SOBP: variants seen among roughly 807,000 people sequenced by gnomAD.
SOBP encodes the protein sine oculis binding protein homolog, also known as sine oculis-binding protein homolog.
In SOBP, 4 loss-of-function variants were observed where a neutral mutation model predicts 53.6. The observed-to-expected ratio is 0.07, with a 90% confidence interval of 0.04 to 0.17. The LOEUF (loss-of-function observed/expected upper bound fraction) is 0.17. Among genes scored for constraint, SOBP ranks in the 10% least tolerant of loss-of-function variants. The probability of loss-of-function intolerance (pLI) is 1.00; values close to 1 mark genes in which losing one functional copy is unlikely to be tolerated. For missense variants in SOBP, 1,088 were observed against 1,204.7 expected (o/e 0.90, Z 1.43); for synonymous variants, 584 against 522.6 (o/e 1.12, Z -1.60).
chr6:107,533,069 A>G (rs1393678116), intron 3 of SOBP, among the ~76,000 whole-genome samples: 3 of 152,020 alleles, frequency 2.0e-5, no homozygotes, highest in Non-Finnish European at 4.4e-5. Context: ...TGTCCCACCC[A>G]GTGCAGATCC....
At chr6:107,566,990 C>G (rs1348833050) in intron 4 of SOBP, among the ~76,000 whole-genome samples, 1 of 152,190 alleles carries the variant, frequency 6.6e-6, no homozygotes, top group Admixed American at 6.5e-5. Context: ...GCAATGATCT[C>G]TCTGCACAAC....
At chr6:107,500,591 G>T (rs1248656762) in intron 1 of SOBP, among the ~76,000 whole-genome samples, 1 of 151,214 alleles carries the variant, frequency 6.6e-6, no homozygotes, top group East Asian at 2.0e-4. Context: ...GCGCGATCTC[G>T]GCTCACTGCA....
intron 3 of SOBP, among the ~76,000 whole-genome samples, chr6:107,508,759 GA>G (rs1239264393): frequency 2.0e-5 from 3 of 152,174 alleles, no homozygotes; most frequent in African/African-American, 7.2e-5. Context: ...TTGTGATACG[GA>G]GGGGTCCACA....
chr6:107,604,458 G>T (rs542641100), intron 5 of SOBP, among the ~76,000 whole-genome samples: 2 of 152,074 alleles, frequency 1.3e-5, no homozygotes, highest in Admixed American at 1.3e-4. Context: ...TTCACTGCTC[G>T]TCCTGTTCTA....
intron 4 of SOBP, among the ~76,000 whole-genome samples, chr6:107,550,314 G>T (rs567262627): frequency 7.2e-5 from 11 of 152,202 alleles, no homozygotes; most frequent in African/African-American, 2.7e-4. Context: ...GCTGGGTGCC[G>T]TGGAAATTAG....
At chr6:107,652,229 C>G (rs1771831513) in intron 6 of SOBP, among the ~76,000 whole-genome samples, 1 of 152,170 alleles carries the variant, frequency 6.6e-6, no homozygotes. Flanking sequence ...ATTCACTATT[C>G]TAGATGCCAT....
intron 4 of SOBP, among the ~76,000 whole-genome samples, chr6:107,577,216 A>G (rs1785250135): frequency 6.6e-6 from 1 of 152,260 alleles, no homozygotes; most frequent in Non-Finnish European, 1.5e-5. Flanking sequence ...AGATCAAGCT[A>G]ACTCACTCAG....
In SOBP at chr6:107,563,414, C is replaced by T. The variant is rs557213731; in HGVS notation, c.574-23666C>T. The stretch of plus-strand genomic sequence containing the variant: ...TTTTTATGATTAGGAAATTTACATA[C>T]TTGAGAAAAATGAGTTGCAACTCTG... On this transcript the variant is annotated intron_variant, in intron 4 of 6. Transcript: ENST00000317357. 3.3e-5 allele frequency among the ~76,000 whole-genome samples: 5 copies of T among 152,138 alleles called. No homozygotes were observed. The East Asian group carries it at 9.7e-4, about 29-fold the overall frequency.
At position 107,635,799 on chromosome 6, in the gene SOBP, T is replaced by A. The variant is rs1771015963; in HGVS notation, c.*3+330T>A. ...CACTTTATTATCATGCTCATCTCCG[T>A]AAATCACCCTATTGGAGAAGAGGAG... On this transcript the variant is annotated intron_variant, in intron 6 of 6. Coordinates refer to ENST00000317357, the MANE Select transcript of SOBP (RefSeq NM_018013.4). This position sits in a 1 kb window ranked among gnomAD's most constrained non-coding sequence, Gnocchi z 4.5. 6.6e-6 allele frequency among the ~76,000 whole-genome samples: 1 copy of A among 152,154 alleles called. No individual in the cohort carries two copies. Among genetic ancestry groups the A allele is most frequent in the Non-Finnish European group, 1.5e-5 (1 of 68,024 alleles).
Position 107,635,235 on chromosome 6 carries a change from G to T in SOBP, c.2391G>T (p.Ala797=), listed in dbSNP as rs925324994. The stretch of plus-strand genomic sequence containing the variant: ...AGCTGATGGGCGAGGAGGCCCTGGC[G>T]GGGGGCGACAAGTCAGACCCGAACC... ...AKKLMGEEAL[A]GGDKSDPNLN... The change falls in exon 6 of 7, where the codon GCG becomes GCT. Residue 797 remains alanine (A), a synonymous_variant. Coordinates refer to ENST00000317357, the MANE Select transcript of SOBP (RefSeq NM_018013.4). This position sits in a 1 kb window ranked among gnomAD's most constrained non-coding sequence, Gnocchi z 4.5. 3.1e-6 allele frequency: 5 copies of T among 1,613,838 alleles called. No homozygotes were observed. The highest frequency in any genetic ancestry group is 1.1e-5 in the South Asian group (1 of 91,072).
intron 5 of SOBP, among the ~76,000 whole-genome samples, chr6:107,626,644 T>C (rs908298150): frequency 6.6e-6 from 1 of 152,166 alleles, no homozygotes; most frequent in African/African-American, 2.4e-5. Context: ...GTAAACTGGA[T>C]TATGTGATGG....
intron 5 of SOBP, among the ~76,000 whole-genome samples, chr6:107,624,784 G>A (rs1221171402): frequency 2.0e-5 from 3 of 152,196 alleles, no homozygotes; most frequent in Non-Finnish European, 4.4e-5. Context: ...TGACCTATGT[G>A]TAGAAGGAAA....
chr6:107,575,226 G>A (rs898618688), intron 4 of SOBP, among the ~76,000 whole-genome samples: 3 of 152,212 alleles, frequency 2.0e-5, no homozygotes, highest in African/African-American at 7.2e-5. Flanking sequence ...ACTTCCTAAA[G>A]GTTTAGGAAG....
intron 5 of SOBP, among the ~76,000 whole-genome samples, chr6:107,604,995 C>T (rs1786318691): frequency 6.6e-6 from 1 of 152,168 alleles, no homozygotes; most frequent in African/African-American, 2.4e-5. Flanking sequence ...TTCTCCCTGG[C>T]CTCACTTCCC....
At chr6:107,647,468 G>A (rs1046151778) in intron 6 of SOBP, among the ~76,000 whole-genome samples, 21 of 152,270 alleles carry the variant, frequency 1.4e-4, no homozygotes, top group African/African-American at 4.8e-4. Context: ...TAAAATGTCC[G>A]GGAGCTACCT....
chr6:107,554,445 T>G (rs973101728), intron 4 of SOBP, among the ~76,000 whole-genome samples: 2 of 152,218 alleles, frequency 1.3e-5, no homozygotes, highest in Admixed American at 1.3e-4. Context: ...CCCTGTCAGA[T>G]GCAGCGTAAT....
intron 3 of SOBP, among the ~76,000 whole-genome samples, chr6:107,520,731 T>C (rs1783460103): frequency 6.6e-6 from 1 of 152,206 alleles, no homozygotes; most frequent in South Asian, 2.1e-4. Flanking sequence ...CAGTGCTGAC[T>C]TCTTAAAGTT....
chr6:107,547,526 G>GT (rs1289253967), intron 4 of SOBP, among the ~76,000 whole-genome samples: 1 of 152,052 alleles, frequency 6.6e-6, no homozygotes, highest in Non-Finnish European at 1.5e-5. Flanking sequence ...GATTAAATGT[G>GT]TTTTTATTAT....
chr6:107,504,836 TATC>T (rs761090268), intron 2 of SOBP, among the ~76,000 whole-genome samples: 2 of 152,370 alleles, frequency 1.3e-5, no homozygotes, highest in East Asian at 1.9e-4. Flanking sequence ...ACAGAGATAG[TATC>T]ATCAATTTCA....
Sources: gnomAD v4.1 joint callset for allele counts (sites outside exome capture counted in the v4.1 genomes callset) on GRCh38, gnomAD v4.1.1 for gene constraint, Gnocchi (gnomAD v3.1) non-coding constraint, MANE v1.5 for transcripts, NCBI Gene and HGNC (gene_info 2026-07-23, HGNC 2026-07-21) for gene names.